The following WDFY4 variants were observed in gnomAD, a reference collection of about 807,000 sequenced individuals.
The protein encoded by WDFY4 is WD repeat- and FYVE domain-containing protein 4.
A neutral mutation model predicts 351.9 loss-of-function variants in WDFY4; 169 were observed. The observed-to-expected ratio is 0.48, with a 90% CI of 0.42 to 0.55. The LOEUF (loss-of-function observed/expected upper bound fraction) is 0.55. WDFY4 is among the 20% of genes least tolerant of loss of function. WDFY4 has a pLI of 0.00. For synonymous variants in WDFY4, 1,622 were observed against 1,574.6 expected (o/e 1.03, Z -0.71); for missense variants, 3,803 against 3,935.6 (o/e 0.97, Z 0.90).
intron 12 of WDFY4, among the ~76,000 whole-genome samples, chr10:48,747,627 A>G (rs2065054309): frequency 6.6e-6 from 1 of 152,216 alleles, no homozygotes. Context: ...AATCTGATAT[A>G]TAATCTAGCC....
chr10:48,829,009 A>G, intron 37 of WDFY4, 113 bp downstream of exon 37: 1 of 643,864 alleles, frequency 1.6e-6, no homozygotes, highest in South Asian at 2.1e-5. Context: ...TCCCGAAATA[A>G]GAAAGCAGAT....
At chr10:48,760,587 G>A (rs565330460) in intron 13 of WDFY4, 147 bp downstream of exon 13, 4 of 764,150 alleles carry the variant, frequency 5.2e-6, no homozygotes, top group African/African-American at 1.7e-5. Context: ...CCTATAGTGG[G>A]AAAGTACCAG....
At chr10:48,873,842 T>C in intron 41 of WDFY4, 145 bp downstream of exon 41, 1 of 875,988 alleles carries the variant, frequency 1.1e-6, no homozygotes, top group Non-Finnish European at 1.7e-6. Context: ...AAATTTATTC[T>C]CAATGCCATT....
chr10:48,876,203 G>C (rs764085025), intron 42 of WDFY4, among the ~76,000 whole-genome samples: 1 of 152,190 alleles, frequency 6.6e-6, no homozygotes, highest in Admixed American at 6.5e-5. Flanking sequence ...CCCTGCATGG[G>C]GGAAAGCTAT....
chr10:48,708,211 A>T (rs960509284), intron 1 of WDFY4, among the ~76,000 whole-genome samples: 1 of 152,184 alleles, frequency 6.6e-6, no homozygotes, highest in Non-Finnish European at 1.5e-5. Flanking sequence ...GAGAGTAAGC[A>T]GTCTGTGTGC....
chr10:48,721,165 T>G, intron 3 of WDFY4, 96 bp from the exon 4 acceptor site: 1 of 1,199,556 alleles, frequency 8.3e-7, no homozygotes, highest in Non-Finnish European at 1.2e-6. Context: ...CCTCTACAGA[T>G]GCTCAGGCAC....
intron 29 of WDFY4, among the ~76,000 whole-genome samples, chr10:48,811,234 G>A (rs1287558435): frequency 1.3e-5 from 2 of 152,146 alleles, no homozygotes; most frequent in East Asian, 1.9e-4. Flanking sequence ...AGCTTCATGA[G>A]TGCCTGGAAT....
intron 43 of WDFY4, among the ~76,000 whole-genome samples, chr10:48,885,745 G>T (rs1019430286): frequency 1.4e-4 from 21 of 150,478 alleles, no homozygotes; most frequent in Non-Finnish European, 2.2e-4. Flanking sequence ...TATATATATA[G>T]ATAGATAGGT....
Position 48,828,267 on chromosome 10 carries a change from C to A in WDFY4, c.6222-511C>A, listed in dbSNP as rs183937454. Among the ~76,000 whole-genome samples the A allele has an allele frequency of 1.4e-4, 22 of 152,274 alleles. No individual in the cohort carries two copies. The East Asian group carries it at 3.9e-3, about 27-fold the overall frequency. ...GCTACATCATATGTGAGGCCTCCAG[C>A]AAAATTAAAATGCTAGGCTTGTGTC... On this transcript the variant is annotated intron_variant, in intron 36 of 61. Transcript: ENST00000325239.
intron 23 of WDFY4, among the ~76,000 whole-genome samples, chr10:48,794,223 G>A (rs945126817): frequency 2.0e-5 from 3 of 152,160 alleles, no homozygotes; most frequent in Non-Finnish European, 4.4e-5. Flanking sequence ...CAGTGGAGAA[G>A]ATGAGGCATG....
chr10:48,911,075 G>T, intron 47 of WDFY4: 1 of 211,972 alleles, frequency 4.7e-6, no homozygotes, highest in Non-Finnish European at 8.1e-6. Flanking sequence ...TACCTTTTGG[G>T]TCAGAGAAGA....
At chr10:48,690,429 G>A (rs188564003) in intron 1 of WDFY4, among the ~76,000 whole-genome samples, 179 of 152,322 alleles carry the variant, frequency 1.2e-3, no homozygotes, top group Non-Finnish European at 7.4e-4. Context: ...GTGGCCAGTG[G>A]CACCTTTGCC....
chr10:48,982,460 A>G (rs1471219178), intron 61 of WDFY4, 49 bp from the exon 62 acceptor site: 1 of 1,441,120 alleles, frequency 6.9e-7, no homozygotes, highest in East Asian at 2.5e-5. Context: ...TGGCGGGGAC[A>G]AGTGGTACTG....
At chr10:48,721,125 C>T in intron 3 of WDFY4, 136 bp from the exon 4 acceptor site, 1 of 763,438 alleles carries the variant, frequency 1.3e-6, no homozygotes, top group Non-Finnish European at 2.2e-6. Flanking sequence ...TGCAGGTGGC[C>T]TTGGGGATGT....
chr10:48,865,201 C>A (rs756685217), intron 39 of WDFY4, among the ~76,000 whole-genome samples: 4 of 152,128 alleles, frequency 2.6e-5, no homozygotes, highest in Admixed American at 6.5e-5. Context: ...TGGCTGTGGA[C>A]TTTTTGTAGT....
At chr10:48,837,931 A>T (rs2068460360) in intron 39 of WDFY4, among the ~76,000 whole-genome samples, 1 of 152,298 alleles carries the variant, frequency 6.6e-6, no homozygotes, top group Non-Finnish European at 1.5e-5. Flanking sequence ...GCCAGCAAAG[A>T]TTGGGGGACT....
intron 1 of WDFY4, among the ~76,000 whole-genome samples, chr10:48,703,990 C>T (rs1405545524): frequency 3.9e-5 from 6 of 152,184 alleles, no homozygotes; most frequent in African/African-American, 1.2e-4. Context: ...GAATCCCTCC[C>T]TCTTGGGTCC....
intron 12 of WDFY4, among the ~76,000 whole-genome samples, chr10:48,759,220 A>G (rs1224834558): frequency 1.3e-5 from 2 of 152,126 alleles, no homozygotes; most frequent in African/African-American, 2.4e-5. Context: ...TTTACCTCCT[A>G]GTTAGGGTCA....
intron 47 of WDFY4, chr10:48,910,289 A>G (rs1837883038): frequency 1.2e-6 from 2 of 1,610,824 alleles, no homozygotes; most frequent in Non-Finnish European, 1.7e-6. Flanking sequence ...AGGTGAGGCA[A>G]TTGCTCCAGG....
Sources: allele counts gnomAD v4.1 joint callset (sites outside exome capture counted in the v4.1 genomes callset), GRCh38; gene constraint gnomAD v4.1.1; transcripts MANE v1.5; gene names NCBI Gene and HGNC (gene_info 2026-07-23, HGNC 2026-07-21).